RFFL: variants seen among roughly 807,000 people sequenced by gnomAD.
RFFL encodes E3 ubiquitin-protein ligase rififylin.
RFFL carries 16 observed loss-of-function variants against 40.4 expected under a neutral mutation model. The ratio of observed to expected loss-of-function variants is 0.40; its 90% CI spans 0.27 to 0.60. The LOEUF is 0.60. Ranked by LOEUF, RFFL falls within the 20% of genes least tolerant of loss-of-function variation. RFFL has a pLI of 0.47. For missense variants in RFFL, 367 were observed against 451.7 expected (o/e 0.81, Z 1.70); for synonymous variants, 154 against 167.9 (o/e 0.92, Z 0.64).
rs1321501778 is a variant in RFFL at position 35,032,499 on chromosome 17, A to G, written c.-8-5938T>C. Among the ~76,000 whole-genome samples the G allele has an allele frequency of 5.3e-5, 8 of 152,102 alleles. No homozygotes were observed. The South Asian group carries it at 6.2e-4, about 12-fold the overall frequency. On this transcript the variant is annotated intron_variant, in intron 1 of 6. Transcript: ENST00000394597. The stretch of plus-strand genomic sequence containing the variant: ...GTCTAGGGTCTCTGAATTACACAAC[A>G]GAATAGATGGTGGAATTACTTACTG...
chr17:35,070,624 G>T (rs2091343576), intron 1 of RFFL, among the ~76,000 whole-genome samples: 1 of 152,146 alleles, frequency 6.6e-6, no homozygotes, highest in African/African-American at 2.4e-5. Flanking sequence ...TCACAGTTTT[G>T]AAATTGTATT....
At chr17:35,079,225 T>C (rs1023599564) in intron 1 of RFFL, among the ~76,000 whole-genome samples, 1 of 152,166 alleles carries the variant, frequency 6.6e-6, no homozygotes, top group Non-Finnish European at 1.5e-5. Context: ...GGTTTCACCC[T>C]GTTGGCCAGG....
intron 5 of RFFL, among the ~76,000 whole-genome samples, chr17:35,015,135 T>C (rs1050422661): frequency 2.0e-5 from 3 of 152,160 alleles, no homozygotes; most frequent in South Asian, 2.1e-4. Flanking sequence ...TCCCGGCTAA[T>C]TTTTTGTTTT....
At chr17:35,055,685 C>A (rs11870052) in intron 1 of RFFL, among the ~76,000 whole-genome samples, 31,301 of 141,136 alleles carry the variant, frequency 0.22, 6,386 homozygotes, top group African/African-American at 0.57. Context: ...AAAAAACAAA[C>A]AAACAAACAA....
intron 1 of RFFL, among the ~76,000 whole-genome samples, chr17:35,051,988 C>T (rs1431051427): frequency 1.3e-5 from 2 of 152,188 alleles, no homozygotes; most frequent in Non-Finnish European, 2.9e-5. Flanking sequence ...AACAAATACC[C>T]CAGCTTAATG....
In RFFL at chr17:35,007,198, A is replaced by AGAG; in HGVS notation, c.*4767_*4769dup. 6.6e-6 allele frequency: 1 copy of AGAG among 152,370 alleles called. No homozygotes were observed. The highest frequency in any genetic ancestry group is 1.9e-4 in the East Asian group (1 of 5,188). 9.4% of individuals were successfully genotyped at this position (152,370 alleles called of 1,614,324 possible). ...TTGCCCTTATTGGTTGCTTACACCC[A>AGAG]GAGTGCACACTCACAGGAAAGGGCC... On this transcript the variant is annotated 3_prime_UTR_variant, in exon 7 of 7. Transcript: ENST00000394597.
chr17:35,021,282 C>G, intron 3 of RFFL, 89 bp downstream of exon 3: 1 of 1,312,836 alleles, frequency 7.6e-7, no homozygotes, highest in Non-Finnish European at 1.0e-6. Context: ...TAGCCTTATA[C>G]CCCATTCTCA....
chr17:35,021,048 C>T lies in RFFL; in HGVS notation c.591+323G>A, dbSNP rs537556027. Among the ~76,000 whole-genome samples, 610 of 152,256 alleles carry T rather than the reference C, an allele frequency of 4.0e-3. 3 individuals carry two copies. The highest frequency in any genetic ancestry group is 7.4e-3 in the Admixed American group (114 of 15,308). ...AGTTAAGTTGAAAGACAAATTGGAA[C>T]AGAACTAAATTTGATGGCTTAATGG... On this transcript the variant is annotated intron_variant, in intron 3 of 6. Coordinates refer to ENST00000394597, the MANE Select transcript of RFFL (RefSeq NM_001017368.2).
intron 1 of RFFL, among the ~76,000 whole-genome samples, chr17:35,081,009 G>A (rs985642197): frequency 1.3e-5 from 2 of 152,206 alleles, no homozygotes; most frequent in African/African-American, 4.8e-5. Context: ...ACTGAAGTGT[G>A]CTCAAATTCA....
intron 4 of RFFL, 142 bp downstream of exon 4, chr17:35,017,381 A>G: frequency 1.6e-6 from 1 of 642,618 alleles, no homozygotes. Context: ...GAACACTAAC[A>G]CTAAACCCTA....
chr17:35,042,203 C>T (rs1425977516), intron 1 of RFFL: 1 of 152,074 alleles, frequency 6.6e-6, no homozygotes, highest in Non-Finnish European at 1.5e-5. Context: ...ATCACAATGT[C>T]CTGAGAACTC....
At chr17:35,022,611 T>C (rs1021341443) in intron 2 of RFFL, among the ~76,000 whole-genome samples, 1 of 152,186 alleles carries the variant, frequency 6.6e-6, no homozygotes, top group African/African-American at 2.4e-5. Flanking sequence ...CTAATGCCCA[T>C]GATCACATTC....
chr17:35,054,633 C>T lies in RFFL; in HGVS notation c.-9+8943G>A, dbSNP rs914474111. On this transcript the variant is annotated intron_variant, in intron 1 of 6. Transcript: ENST00000394597. ...CTGGGTTGCTAACAAATTCATACAGCTGGGGTAAGCCATCACTGGGCTCTA... is the reference window on the plus strand; with the variant it reads ...CTGGGTTGCTAACAAATTCATACAGTTGGGGTAAGCCATCACTGGGCTCTA... Among the ~76,000 whole-genome samples the T allele has an allele frequency of 7.3e-5, 11 of 151,356 alleles. 1 individual carries two copies. Among genetic ancestry groups the T allele is most frequent in the African/African-American group, 2.4e-4 (10 of 41,148 alleles).
Position 35,021,371 on chromosome 17 carries a change from C to T in RFFL, c.591G>A (p.Gln197=). 1 of 1,519,514 alleles carries T rather than the reference C, an allele frequency of 6.6e-7. No homozygotes were observed. Among genetic ancestry groups the T allele is most frequent in the Non-Finnish European group, 8.8e-7 (1 of 1,136,028 alleles). 94.1% of individuals were successfully genotyped at this position (1,519,514 alleles called of 1,614,324 possible). A position where few individuals can be genotyped will look rare whatever the true frequency, so the allele number is the denominator to read the frequency against. ...VPPAQVQENQ[Q]ANGHVSQDQE... is the part of the protein sequence containing the mutation. ...GCAGAGACTACAAATGGGCCCTTAC[C>T]TGCTGATTCTCCTGAACCTGGGCTG... Residue 197 remains glutamine (Q), a splice_region_variant and synonymous_variant, in exon 3 of 7, where the codon CAG becomes CAA. Transcript: ENST00000394597.
rs1436597762 is a variant in RFFL at position 35,007,599 on chromosome 17, A to G, written c.*4369T>C. ...GCAAGATTCCTTTCTCTTCTCAGTC[A>G]CAGCAGATGGACACATAATCTTGTT... On this transcript the variant is annotated 3_prime_UTR_variant, in exon 7 of 7. Transcript: ENST00000394597. The G allele has an allele frequency of 6.6e-6, 1 of 152,224 alleles. No homozygotes were observed. The highest frequency in any genetic ancestry group is 1.5e-5 in the Non-Finnish European group (1 of 68,086). 9.4% of individuals were successfully genotyped at this position (152,224 alleles called of 1,614,324 possible). A position where few individuals can be genotyped will look rare whatever the true frequency, so the allele number is the denominator to read the frequency against.
chr17:35,066,624 T>C (rs2091322129), upstream of RFFL, among the ~76,000 whole-genome samples: 1 of 152,064 alleles, frequency 6.6e-6, no homozygotes, highest in Non-Finnish European at 1.5e-5. Flanking sequence ...CAAACTGCTT[T>C]ACTCTCTCTT....
At chr17:35,036,290 T>C (rs1303235551) in intron 1 of RFFL, 1 of 152,218 alleles carries the variant, frequency 6.6e-6, no homozygotes, top group Non-Finnish European at 1.5e-5. Flanking sequence ...GTAGAAAGAA[T>C]TCTCCCTAAG....
chr17:35,019,837 C>T (rs887272540), intron 3 of RFFL, among the ~76,000 whole-genome samples: 3 of 151,982 alleles, frequency 2.0e-5, no homozygotes, highest in South Asian at 2.1e-4. Context: ...AGTCCAGCTG[C>T]GGAGAAAAAC....
At chr17:35,079,193 T>C (rs960959659) in intron 1 of RFFL, among the ~76,000 whole-genome samples, 3 of 152,118 alleles carry the variant, frequency 2.0e-5, no homozygotes, top group Admixed American at 2.0e-4. Context: ...TGGCAAATTT[T>C]TGTATTTTTA....
Sources: gnomAD v4.1 joint callset for allele counts (sites outside exome capture counted in the v4.1 genomes callset) on GRCh38, gnomAD v4.1.1 for gene constraint, MANE v1.5 for transcripts, NCBI Gene and HGNC (gene_info 2026-07-23, HGNC 2026-07-21) for gene names.